DZIP3: variants seen among roughly 807,000 people sequenced by gnomAD.
DZIP3 encodes E3 ubiquitin-protein ligase DZIP3.
Under a neutral mutation model 162.0 loss-of-function variants are expected in DZIP3, and 118 were observed. The observed-to-expected ratio is 0.73, with a 90% confidence interval of 0.63 to 0.85. The LOEUF (loss-of-function observed/expected upper bound fraction) is 0.85, where lower values mean the gene tolerates loss of function less well. Among genes scored for constraint, DZIP3 ranks in the 40% least tolerant of loss-of-function variants. The pLI, the probability that DZIP3 is intolerant of heterozygous loss-of-function variation, is 0.00. For synonymous variants in DZIP3, 438 were observed against 458.6 expected, an observed-to-expected ratio of 0.96 and a Z score of 0.57; for missense variants, 1,331 against 1,407.0, an observed-to-expected ratio of 0.95 and a Z score of 0.86.
intron 21 of DZIP3, among the ~76,000 whole-genome samples, chr3:108,667,410 C>T (rs373585567): frequency 1.8e-4 from 28 of 152,082 alleles, no homozygotes; most frequent in African/African-American, 5.8e-4. Flanking sequence ...ATATATGTTT[C>T]CATTTGCTGA....
At chr3:108,618,821 G>A (rs1282604776) in intron 5 of DZIP3, among the ~76,000 whole-genome samples, 1 of 152,020 alleles carries the variant, frequency 6.6e-6, no homozygotes, top group Non-Finnish European at 1.5e-5. Context: ...CCAGCACTTT[G>A]GGAGGCCGAG....
At chr3:108,601,309 A>T (rs960839953) in intron 1 of DZIP3, among the ~76,000 whole-genome samples, 3 of 152,004 alleles carry the variant, frequency 2.0e-5, no homozygotes, top group African/African-American at 7.2e-5. Flanking sequence ...CATCTGGTGG[A>T]TGGAGGCTAG....
intron 1 of DZIP3, among the ~76,000 whole-genome samples, chr3:108,596,865 A>G (rs1014501184): frequency 1.1e-4 from 16 of 152,226 alleles, no homozygotes; most frequent in African/African-American, 2.4e-4. Flanking sequence ...TTCAGTAGAC[A>G]TAAACGGCTG....
In DZIP3 at chr3:108,625,350, A is replaced by G. The variant is rs567545727; in HGVS notation, c.457-495A>G. ...GTGAAGAATTGTGCTCCCATTAGGA[A>G]GAATGATAAAGAATTGTGCTCTAAC... On this transcript the variant is annotated intron_variant, in intron 6 of 32. Coordinates refer to ENST00000361582, the MANE Select transcript of DZIP3 (RefSeq NM_014648.4). 2.6e-5 allele frequency among the ~76,000 whole-genome samples: 4 copies of G among 152,338 alleles called. No homozygotes were observed. In the South Asian group the frequency reaches 8.3e-4, roughly 32 times the overall value.
intron 8 of DZIP3, among the ~76,000 whole-genome samples, chr3:108,631,049 A>T (rs71633458): frequency 0.093 from 4,988 of 53,374 alleles, 162 homozygotes; most frequent in African/African-American, 0.11. Context: ...ACACACACAC[A>T]CACACACTCT....
At chr3:108,675,909 A>G (rs767759673) in intron 25 of DZIP3, 36 bp downstream of exon 25, 1 of 1,566,916 alleles carries the variant, frequency 6.4e-7, no homozygotes, top group South Asian at 1.1e-5. Context: ...AAATTGGCTT[A>G]ATGTTATAGG....
intron 2 of DZIP3, among the ~76,000 whole-genome samples, chr3:108,606,947 T>G (rs1177472813): frequency 6.6e-6 from 1 of 152,180 alleles, no homozygotes; most frequent in Non-Finnish European, 1.5e-5. Context: ...AAATGGAGTT[T>G]GCTGGTAGAG....
chr3:108,686,042 A>G (rs952423578), intron 27 of DZIP3, among the ~76,000 whole-genome samples: 2 of 152,166 alleles, frequency 1.3e-5, no homozygotes, highest in Non-Finnish European at 2.9e-5. Flanking sequence ...TCATTTCTCT[A>G]TAGATGTAAG....
intron 14 of DZIP3, among the ~76,000 whole-genome samples, chr3:108,646,290 T>G (rs900241449): frequency 1.2e-4 from 19 of 152,208 alleles, no homozygotes; most frequent in African/African-American, 4.6e-4. Flanking sequence ...AGTGGAGGTT[T>G]GCTGTGTAAT....
Position 108,648,194 on chromosome 3 carries a change from C to A in DZIP3, c.1962+82C>A. On this transcript the variant is annotated intron_variant, in intron 16 of 32. Transcript: ENST00000361582. ...TTGCATGTGCTGTACTTAAAGCATC[C>A]CAGATAATTTTAGCTTATATTTTCA... 3 of 1,313,264 alleles carry A rather than the reference C, an allele frequency of 2.3e-6. No individual in the cohort carries two copies. The African/African-American group carries it at 4.6e-5, about 20-fold the overall frequency. The allele number at this position is 1,313,264 out of a possible 1,614,324, so 81.4% of individuals were successfully genotyped here.
intron 19 of DZIP3, among the ~76,000 whole-genome samples, chr3:108,659,462 AAATT>A (rs1943313834): frequency 6.6e-6 from 1 of 152,192 alleles, no homozygotes; most frequent in African/African-American, 2.4e-5. Flanking sequence ...AACTCTCAAT[AAATT>A]AGGTATTGAT....
At position 108,616,644 on chromosome 3, in the gene DZIP3, C is replaced by A; in HGVS notation, c.362C>A (p.Ala121Asp). Reference sequence around the variant, plus strand: ...GAAGCAGCACTTAGGAACATTCAAGCTGGCAATTATACCGTAAGTGTTTTC... The same window carrying A: ...GAAGCAGCACTTAGGAACATTCAAGATGGCAATTATACCGTAAGTGTTTTC... ...QLEAALRNIQAGNYTAHQINI... is the reference protein window; with the variant it reads ...QLEAALRNIQDGNYTAHQINI... Residue 121 changes from alanine to aspartate, a missense_variant, in exon 5 of 33, where the codon GCT becomes GAT. By Grantham distance (126) the Ala-to-Asp change is moderately radical. Around this residue, in one of 2 missense-constraint regions of DZIP3, gnomAD observed 1,278 missense variants for 1,317.1 expected, o/e 0.97. Coordinates refer to ENST00000361582, the MANE Select transcript of DZIP3 (RefSeq NM_014648.4). 1 of 1,588,646 alleles carries A rather than the reference C, an allele frequency of 6.3e-7. No homozygotes were observed. Among genetic ancestry groups the A allele is most frequent in the Non-Finnish European group, 8.6e-7 (1 of 1,168,326 alleles).
At chr3:108,637,586 A>T (rs1169036514) in intron 12 of DZIP3, 38 bp downstream of exon 12, 1 of 1,559,536 alleles carries the variant, frequency 6.4e-7, no homozygotes, top group Admixed American at 1.8e-5. Context: ...CCTTTTTTGG[A>T]ATATGCATAT....
At chr3:108,631,007 C>G (rs983085314) in intron 8 of DZIP3, among the ~76,000 whole-genome samples, 3 of 32,464 alleles carry the variant, frequency 9.2e-5, no homozygotes, top group African/African-American at 4.1e-4. Context: ...TATACATCCC[C>G]TACACACACA....
At chr3:108,645,048 A>C (rs1387503654) in intron 14 of DZIP3, among the ~76,000 whole-genome samples, 1 of 152,200 alleles carries the variant, frequency 6.6e-6, no homozygotes, top group Non-Finnish European at 1.5e-5. Flanking sequence ...CAGGTGAAGC[A>C]GACTGAGAAG....
At chr3:108,686,695 C>T (rs1944512097) in intron 28 of DZIP3, 111 bp downstream of exon 28, 2 of 1,267,632 alleles carry the variant, frequency 1.6e-6, no homozygotes, top group Non-Finnish European at 2.1e-6. Context: ...AAAAAAAGTA[C>T]AGATGTTTCC....
chr3:108,652,751 T>C (rs959499654), intron 18 of DZIP3, among the ~76,000 whole-genome samples: 1 of 151,958 alleles, frequency 6.6e-6, no homozygotes, highest in South Asian at 2.1e-4. Flanking sequence ...TGTTTTATAT[T>C]GTATTTTTAC....
At chr3:108,602,804 A>G (rs539547060) in intron 1 of DZIP3, 6 of 152,072 alleles carry the variant, frequency 3.9e-5, no homozygotes, top group Admixed American at 2.6e-4. Context: ...TGCTGTTGCT[A>G]TTGCTGGTAG....
intron 8 of DZIP3, among the ~76,000 whole-genome samples, chr3:108,630,647 C>A (rs9840809): frequency 0.019 from 2,898 of 151,878 alleles, 101 homozygotes; most frequent in African/African-American, 0.067. Context: ...AATTTTCATC[C>A]CTACTTTACA....
Sources: gnomAD v4.1 joint callset for allele counts (sites outside exome capture counted in the v4.1 genomes callset) on GRCh38, gnomAD v4.1.1 for gene constraint, gnomAD v4.1.1 regional missense constraint, MANE v1.5 for transcripts, NCBI Gene and HGNC (gene_info 2026-07-23, HGNC 2026-07-21) for gene names.